The following SLC6A17 variants were observed in gnomAD, a reference collection of about 807,000 sequenced individuals.
SLC6A17 encodes sodium-dependent neutral amino acid transporter SLC6A17.
In SLC6A17, 21 loss-of-function variants were observed where a neutral mutation model predicts 64.5. That is an observed-to-expected ratio of 0.33 (90% CI 0.23 to 0.47). The LOEUF is 0.47. SLC6A17 is among the 20% of genes least tolerant of loss of function. The pLI is 1.00. For missense variants in SLC6A17, 682 were observed against 963.2 expected (o/e 0.71, Z 3.86); for synonymous variants, 372 against 399.5 (o/e 0.93, Z 0.82).
chr1:110,191,781 C>G (rs1277633271), intron 6 of SLC6A17, among the ~76,000 whole-genome samples, 191 bp from the exon 7 acceptor site: 1 of 152,214 alleles, frequency 6.6e-6, no homozygotes, highest in Non-Finnish European at 1.5e-5. Context: ...GAAGTTGATA[C>G]TCTTGTGATC....
At chr1:110,176,135 A>G (rs888753710) in intron 5 of SLC6A17, among the ~76,000 whole-genome samples, 2 of 152,144 alleles carry the variant, frequency 1.3e-5, no homozygotes, top group African/African-American at 2.4e-5. Context: ...TGTGCGAGAA[A>G]TGCTGTGGTA....
intron 6 of SLC6A17, among the ~76,000 whole-genome samples, chr1:110,187,898 C>T (rs1271289406): frequency 1.3e-5 from 2 of 152,256 alleles, no homozygotes; most frequent in African/African-American, 4.8e-5. Flanking sequence ...CTTTTCTATT[C>T]TCCAGATTTC....
chr1:110,174,127 C>T (rs1306165947), intron 4 of SLC6A17, 28 bp downstream of exon 4: 3 of 1,611,742 alleles, frequency 1.9e-6, no homozygotes, highest in East Asian at 2.2e-5. Context: ...CTGGGGATGC[C>T]AGCCAGCCCT....
chr1:110,191,938 C>G (rs993858877), intron 6 of SLC6A17, 34 bp from the exon 7 acceptor site: 1 of 1,602,284 alleles, frequency 6.2e-7, no homozygotes, highest in Non-Finnish European at 8.5e-7. Context: ...CTCTGTGTCT[C>G]TTTTCTTCCT....
rs1263200500 is a variant in SLC6A17, at chr1:110,199,341, T to C, written c.*897T>C. ...CACGGAGAGGTTTCCAGAGCACAAA[T>C]TGTTGGTTCCTAGCACAAATTAGAT... On this transcript the variant is annotated 3_prime_UTR_variant, in exon 12 of 12. Coordinates refer to ENST00000331565, the MANE Select transcript of SLC6A17 (RefSeq NM_001010898.4). 6.6e-6 allele frequency: 1 copy of C among 152,206 alleles called. No individual in the cohort carries two copies. The highest frequency in any genetic ancestry group is 1.5e-5 in the Non-Finnish European group (1 of 68,070). The allele number at this position is 152,206 out of a possible 1,614,324, so 9.4% of individuals were successfully genotyped here.
In SLC6A17 at chr1:110,199,834, CAG is replaced by C. The variant is rs1403185809; in HGVS notation, c.*1396_*1397del. 5.1e-6 allele frequency: 2 copies of C among 390,144 alleles called. No homozygotes were observed. The highest frequency in any genetic ancestry group is 4.3e-5 in the African/African-American group (2 of 46,756). The allele number at this position is 390,144 out of a possible 1,614,324, so 24.2% of individuals were successfully genotyped here. On this transcript the variant is annotated 3_prime_UTR_variant, in exon 12 of 12. Transcript: ENST00000331565. ...AACCTGACCCAAGAGTAAATGTCTG[CAG>C]AGAGATGGATGGATGGATGGATAGA...
intron 6 of SLC6A17, among the ~76,000 whole-genome samples, chr1:110,185,611 C>T (rs1329924840): frequency 6.6e-6 from 1 of 152,214 alleles, no homozygotes; most frequent in Non-Finnish European, 1.5e-5. Context: ...GCAGACACCC[C>T]GAGGAGGGGG....
In SLC6A17 at chr1:110,192,278, G is replaced by T. The variant is rs1050493997; in HGVS notation, c.1106+65G>T. The T allele has an allele frequency of 4.1e-5, 64 of 1,566,184 alleles. No homozygotes were observed. Among genetic ancestry groups the T allele is most frequent in the Admixed American group, 3.8e-4 (22 of 57,800 alleles). ...CTACCTTACCTGGGAGTGGGCAGGG[G>T]TGGGGGCGCAGGTGTGCATGGGGAG... On this transcript the variant is annotated intron_variant, in intron 7 of 11. Coordinates refer to ENST00000331565, the MANE Select transcript of SLC6A17 (RefSeq NM_001010898.4). This position sits in a 1 kb window ranked among gnomAD's most constrained non-coding sequence, Gnocchi z 4.3.
At chr1:110,187,999 G>C (rs1465480698) in intron 6 of SLC6A17, among the ~76,000 whole-genome samples, 4 of 152,168 alleles carry the variant, frequency 2.6e-5, no homozygotes, top group African/African-American at 9.7e-5. Context: ...GTTTGGTTTT[G>C]ATCCTCCAGA....
rs535510482 is a variant in SLC6A17, at chr1:110,164,121, G to A, written c.-87-2722G>A. Among the ~76,000 whole-genome samples the A allele has an allele frequency of 3.3e-5, 5 of 152,318 alleles. No homozygotes were observed. The East Asian group carries it at 7.7e-4, about 24-fold the overall frequency. On this transcript the variant is annotated intron_variant, in intron 1 of 11. Coordinates refer to ENST00000331565, the MANE Select transcript of SLC6A17 (RefSeq NM_001010898.4). The stretch of plus-strand genomic sequence containing the variant: ...CACTTTGCCTGTTTTGTTTGCTGCT[G>A]TATCCCTCACACCTAGAACAGAGGC...
At position 110,198,391 on chromosome 1, in the gene SLC6A17, G is replaced by A; in HGVS notation, c.2131G>A (p.Gly711Arg). The change falls in exon 12 of 12, where the codon GGA becomes AGA. Residue 711 changes from glycine to arginine, a missense_variant. Transcript: ENST00000331565. ...SPLETSGNPN[G>R]RYGSGYLLAS... ...CCTGGAGACCAGCGGTAACCCCAAT[G>A]GACGCTATGGGAGCGGCTACCTGCT... 1 of 1,613,956 alleles carries A rather than the reference G, an allele frequency of 6.2e-7. No homozygotes were observed. The highest frequency in any genetic ancestry group is 8.5e-7 in the Non-Finnish European group (1 of 1,179,996).
At chr1:110,163,958 C>T (rs1181533099) in intron 1 of SLC6A17, among the ~76,000 whole-genome samples, 1 of 152,156 alleles carries the variant, frequency 6.6e-6, no homozygotes, top group Non-Finnish European at 1.5e-5. Flanking sequence ...GCTTGCTCCA[C>T]CCCTCCGGTG....
rs1406452462 is a variant in SLC6A17 at position 110,197,343 on chromosome 1, G to A, written c.1653-94G>A. 10 of 1,494,440 alleles carry A rather than the reference G, an allele frequency of 6.7e-6. 1 individual carries two copies. The highest frequency in any genetic ancestry group is 8.1e-6 in the Non-Finnish European group (9 of 1,108,380). 92.6% of individuals were successfully genotyped at this position (1,494,440 alleles called of 1,614,324 possible). A position where few individuals can be genotyped will look rare whatever the true frequency, so the allele number is the denominator to read the frequency against. On this transcript the variant is annotated intron_variant, in intron 10 of 11. Transcript: ENST00000331565. Reference sequence around the variant, plus strand: ...AGAAGAGCCCAGGAGGGAGGGACTGGGAAACGAAGACTTTCTGGAGGAGAT... The same window carrying A: ...AGAAGAGCCCAGGAGGGAGGGACTGAGAAACGAAGACTTTCTGGAGGAGAT...
chr1:110,183,307 G>A (rs1447626353), intron 6 of SLC6A17, among the ~76,000 whole-genome samples: 1 of 152,200 alleles, frequency 6.6e-6, no homozygotes. Context: ...ATGAGGCAGT[G>A]ATACACATTG....
intron 6 of SLC6A17, among the ~76,000 whole-genome samples, chr1:110,189,985 G>T (rs982984027): frequency 1.3e-5 from 2 of 152,210 alleles, no homozygotes; most frequent in Non-Finnish European, 2.9e-5. Flanking sequence ...TTTGACCAAT[G>T]TGTCTCTCTC....
At chr1:110,193,697 C>T (rs865788452) in intron 8 of SLC6A17, among the ~76,000 whole-genome samples, 1 of 152,256 alleles carries the variant, frequency 6.6e-6, no homozygotes, top group Admixed American at 6.5e-5. Context: ...AGCCCAATCT[C>T]GGGCCCACTG....
intron 10 of SLC6A17, among the ~76,000 whole-genome samples, chr1:110,196,848 A>G (rs1656982242): frequency 1.3e-5 from 2 of 152,198 alleles, no homozygotes; most frequent in Admixed American, 1.3e-4. Flanking sequence ...TCTGTAATCT[A>G]TTGGTGACAG....
chr1:110,157,429 C>T lies in SLC6A17; in HGVS notation c.-88+6546C>T, dbSNP rs545781684. Reference sequence around the variant, plus strand: ...CTCTACTAAAAATACAAAAATTAGCCGGGTGTGCTGGCATGCGCCTGTAAT... The same window carrying T: ...CTCTACTAAAAATACAAAAATTAGCTGGGTGTGCTGGCATGCGCCTGTAAT... On this transcript the variant is annotated intron_variant, in intron 1 of 11. Transcript: ENST00000331565. Among the ~76,000 whole-genome samples the T allele has an allele frequency of 3.4e-3, 523 of 152,038 alleles. 5 individuals are homozygous for T. Among genetic ancestry groups the T allele is most frequent in the African/African-American group, 0.012 (490 of 41,458 alleles).
rs370200407 is a variant in SLC6A17 at position 110,174,872 on chromosome 1, G to T, written c.665G>T (p.Gly222Val). The T allele has an allele frequency of 3.1e-6, 5 of 1,614,080 alleles. No individual in the cohort carries two copies. Among genetic ancestry groups the T allele is most frequent in the Non-Finnish European group, 4.2e-6 (5 of 1,180,046 alleles). ...TCTGACTCCATCTCGGAGAGTGGGGGCCTCAACTGGAAGATGACCCTGTGC... is the reference window on the plus strand; with the variant it reads ...TCTGACTCCATCTCGGAGAGTGGGGTCCTCAACTGGAAGATGACCCTGTGC... ...DISDSISESG[G>V]LNWKMTLCLL... is the part of the protein sequence containing the mutation. Residue 222 changes from glycine (G) to valine (V), a missense_variant, in exon 5 of 12, where the codon GGC (glycine) becomes GTC (valine). Physicochemically the swap from Gly to Val is moderately radical, Grantham distance 109. Coordinates refer to ENST00000331565, the MANE Select transcript of SLC6A17 (RefSeq NM_001010898.4).
Sources: allele counts gnomAD v4.1 joint callset (sites outside exome capture counted in the v4.1 genomes callset), GRCh38; gene constraint gnomAD v4.1.1; non-coding constraint Gnocchi (gnomAD v3.1); transcripts MANE v1.5; gene names NCBI Gene and HGNC (gene_info 2026-07-23, HGNC 2026-07-21).